The following ROBO1 variants were observed in gnomAD, a reference collection of about 807,000 sequenced individuals.
ROBO1 encodes the protein roundabout guidance receptor 1.
A neutral mutation model predicts 195.9 loss-of-function variants in ROBO1; 149 were observed. The ratio of observed to expected loss-of-function variants is 0.76; its 90% CI spans 0.67 to 0.87. The LOEUF (loss-of-function observed/expected upper bound fraction) is 0.87, where lower values mean the gene tolerates loss of function less well. Among genes scored for constraint, ROBO1 ranks in the 40% least tolerant of loss-of-function variants. The pLI, the probability that ROBO1 is intolerant of heterozygous loss-of-function variation, is 0.00. For synonymous variants in ROBO1, 816 were observed against 733.2 expected, an observed-to-expected ratio of 1.11 and a Z score of -1.82; for missense variants, 1,933 against 2,068.3, an observed-to-expected ratio of 0.93 and a Z score of 1.27.
At chr3:79,087,428 A>G (rs2079391484) in intron 3 of ROBO1, among the ~76,000 whole-genome samples, 1 of 152,036 alleles carries the variant, frequency 6.6e-6, no homozygotes, top group African/African-American at 2.4e-5. Context: ...GTAAAAGATG[A>G]TACTCCTAAC....
intron 17 of ROBO1, 119 bp from the exon 18 acceptor site, chr3:78,657,388 G>A: frequency 1.0e-6 from 1 of 957,586 alleles, no homozygotes; most frequent in Non-Finnish European, 1.5e-6. Context: ...ACTACCATAA[G>A]AAGTTTCCAA....
At chr3:79,531,596 T>C (rs1397454195) in intron 2 of ROBO1, among the ~76,000 whole-genome samples, 3 of 152,182 alleles carry the variant, frequency 2.0e-5, no homozygotes, top group Non-Finnish European at 2.9e-5. Context: ...TGTCTTAATA[T>C]TTAAATATAC....
rs1008443771 is a variant in ROBO1 at position 79,736,452 on chromosome 3, G to A, written c.-51+31300C>T. Among the ~76,000 whole-genome samples the A allele has an allele frequency of 2.0e-5, 3 of 152,274 alleles. No individual in the cohort carries two copies. In the East Asian group the frequency reaches 5.8e-4, roughly 29 times the overall value. On this transcript the variant is annotated intron_variant, in intron 1 of 30. Coordinates refer to ENST00000464233, the MANE Select transcript of ROBO1 (RefSeq NM_002941.4). ...AAGATATTGTTCTGGCTTCTATGAG[G>A]AGAATTGACTATGGTGGGGAGGAAC...
At chr3:79,458,855 T>G (rs981875817) in intron 2 of ROBO1, among the ~76,000 whole-genome samples, 6 of 151,850 alleles carry the variant, frequency 4.0e-5, no homozygotes, top group Non-Finnish European at 5.9e-5. Context: ...GAAGAATAGG[T>G]ACATATCCAA....
At chr3:78,736,034 C>T (rs1263704772) in intron 5 of ROBO1, among the ~76,000 whole-genome samples, 4 of 152,030 alleles carry the variant, frequency 2.6e-5, no homozygotes, top group Non-Finnish European at 5.9e-5. Flanking sequence ...TGTATTTACT[C>T]ACATAATTAA....
intron 2 of ROBO1, among the ~76,000 whole-genome samples, chr3:79,561,064 T>C (rs1351553663): frequency 6.6e-6 from 1 of 151,982 alleles, no homozygotes; most frequent in Non-Finnish European, 1.5e-5. Flanking sequence ...CTTTAAGTGA[T>C]TTCTAGACTT....
chr3:78,819,786 T>C lies in ROBO1; in HGVS notation c.500-72886A>G, dbSNP rs143120494. ...TTCTTGTCATCATGTAAAAATTTTATGTCAGTTTTTCAGCTCTGCCACCAA... is the reference window on the plus strand; with the variant it reads ...TTCTTGTCATCATGTAAAAATTTTACGTCAGTTTTTCAGCTCTGCCACCAA... On this transcript the variant is annotated intron_variant, in intron 4 of 30. Transcript: ENST00000464233. Among the ~76,000 whole-genome samples the C allele has an allele frequency of 3.7e-3, 562 of 152,268 alleles. 3 individuals are homozygous for C. Among genetic ancestry groups the C allele is most frequent in the African/African-American group, 0.013 (530 of 41,550 alleles).
At chr3:79,614,490 A>C (rs75234501) in intron 1 of ROBO1, among the ~76,000 whole-genome samples, 3,320 of 152,242 alleles carry the variant, frequency 0.022, 112 homozygotes, top group African/African-American at 0.077. Flanking sequence ...TTAAAGCATT[A>C]TAAGAAATAA....
At chr3:79,689,931 G>A (rs1484928795) in intron 1 of ROBO1, among the ~76,000 whole-genome samples, 2 of 151,848 alleles carry the variant, frequency 1.3e-5, no homozygotes, top group African/African-American at 4.8e-5. Flanking sequence ...GTTAAAAGTA[G>A]TTCTTACTTA....
chr3:79,702,133 C>T (rs1947640011), intron 1 of ROBO1, among the ~76,000 whole-genome samples: 1 of 151,722 alleles, frequency 6.6e-6, no homozygotes, highest in Admixed American at 6.6e-5. Flanking sequence ...AAAAATCACA[C>T]CATCCATAAT....
chr3:79,446,892 C>T (rs533492863), intron 2 of ROBO1, among the ~76,000 whole-genome samples: 2 of 152,222 alleles, frequency 1.3e-5, no homozygotes, highest in African/African-American at 4.8e-5. Flanking sequence ...GGTGCGATCT[C>T]GGCTCACTGT....
intron 2 of ROBO1, among the ~76,000 whole-genome samples, chr3:79,427,742 A>C (rs945962655): frequency 1.3e-5 from 2 of 152,176 alleles, no homozygotes; most frequent in Non-Finnish European, 2.9e-5. Context: ...TTCCGTATGC[A>C]TAAGAATGAA....
At chr3:78,904,911 A>C (rs1301830250) in intron 4 of ROBO1, among the ~76,000 whole-genome samples, 1 of 152,008 alleles carries the variant, frequency 6.6e-6, no homozygotes, top group Non-Finnish European at 1.5e-5. Flanking sequence ...AACTAATGAA[A>C]TGATTCCTTA....
chr3:78,740,677 T>C (rs1325368236), intron 5 of ROBO1, among the ~76,000 whole-genome samples: 2 of 152,010 alleles, frequency 1.3e-5, no homozygotes, highest in East Asian at 3.9e-4. Flanking sequence ...TTTCTCCCTG[T>C]TGGTCAGGCT....
chr3:78,770,079 T>C (rs995885426), intron 4 of ROBO1, among the ~76,000 whole-genome samples: 1 of 152,194 alleles, frequency 6.6e-6, no homozygotes, highest in African/African-American at 2.4e-5. Context: ...TTGTGATTAA[T>C]TTCCCAGGTG....
At chr3:78,649,404 C>T (rs1037243762) in intron 19 of ROBO1, among the ~76,000 whole-genome samples, 8 of 152,008 alleles carry the variant, frequency 5.3e-5, no homozygotes, top group African/African-American at 4.8e-5. Flanking sequence ...CTAAGTGATG[C>T]GGGTGCAATA....
At chr3:78,831,268 A>G (rs1200377509) in intron 4 of ROBO1, among the ~76,000 whole-genome samples, 1 of 152,174 alleles carries the variant, frequency 6.6e-6, no homozygotes, top group Non-Finnish European at 1.5e-5. Flanking sequence ...GGAAACTCTG[A>G]TATAAACAAT....
At chr3:79,539,064 T>C (rs551067826) in intron 2 of ROBO1, among the ~76,000 whole-genome samples, 1 of 152,316 alleles carries the variant, frequency 6.6e-6, no homozygotes, top group South Asian at 2.1e-4. Flanking sequence ...CAATATTTTG[T>C]ATCTGTCATA....
At chr3:78,692,363 G>T (rs546701273) in intron 8 of ROBO1, among the ~76,000 whole-genome samples, 1 of 151,806 alleles carries the variant, frequency 6.6e-6, no homozygotes, top group Non-Finnish European at 1.5e-5. Context: ...TCTGCCTCCC[G>T]GGTTCAAGTG....
Sources: allele counts gnomAD v4.1 joint callset (sites outside exome capture counted in the v4.1 genomes callset), GRCh38; gene constraint gnomAD v4.1.1; transcripts MANE v1.5; gene names NCBI Gene and HGNC (gene_info 2026-07-23, HGNC 2026-07-21).